DMD: variants seen among roughly 807,000 people sequenced by gnomAD.
DMD encodes the protein dystrophin, also known as mutant dystrophin.
A neutral mutation model predicts 330.1 loss-of-function variants in DMD; 63 were observed. The observed-to-expected ratio is 0.19, with a 90% confidence interval of 0.16 to 0.24. The LOEUF (loss-of-function observed/expected upper bound fraction) is 0.24. Among genes scored for constraint, DMD ranks in the 10% least tolerant of loss-of-function variants. The pLI, the probability that DMD is intolerant of heterozygous loss-of-function variation, is 1.00. For missense variants in DMD, 3,344 were observed against 2,684.1 expected (o/e 1.25, Z -5.43); for synonymous variants, 1,223 against 959.8 (o/e 1.27, Z -5.07).
intron 41 of DMD, among the ~76,000 whole-genome samples, chrX:32,340,127 T>TCTAC (rs776706734): frequency 8.9e-6 from 1 of 111,797 alleles, no homozygotes; most frequent in Non-Finnish European, 1.9e-5. Context: ...TGTCTATCTA[T>TCTAC]CTACCTACCA....
intron 2 of DMD, among the ~76,000 whole-genome samples, chrX:33,005,808 G>T (rs2093383991): frequency 9.0e-6 from 1 of 110,811 alleles, no homozygotes; most frequent in South Asian, 3.8e-4. Context: ...ATGTAGAAAT[G>T]AAGCTGTATT....
At chrX:33,041,279 C>T (rs2094294852) in intron 1 of DMD, 4 of 713,149 alleles carry the variant, frequency 5.6e-6, no homozygotes, top group African/African-American at 2.2e-5. Context: ...CTTAAGTGGC[C>T]GCGCAGCCTG....
chrX:32,853,073 A>G (rs1203971550), intron 2 of DMD, among the ~76,000 whole-genome samples: 4 of 112,460 alleles, frequency 3.6e-5, no homozygotes, highest in Non-Finnish European at 3.8e-5. Context: ...CCATATTTAA[A>G]GTGCTGAAGG....
At chrX:32,885,759 A>G (rs2084463728) in intron 2 of DMD, among the ~76,000 whole-genome samples, 2 of 102,184 alleles carry the variant, frequency 2.0e-5, no homozygotes, top group African/African-American at 7.1e-5. Context: ...GCGAAATTTG[A>G]GGGTTTAGAA....
At chrX:32,581,428 AG>A (rs1252584465) in intron 13 of DMD, among the ~76,000 whole-genome samples, 7 of 111,925 alleles carry the variant, frequency 6.3e-5, no homozygotes, top group African/African-American at 2.3e-4. Context: ...AGAAATTCTT[AG>A]TTCATGTCAC....
Position 32,768,967 on chromosome X carries a change from A to G in DMD, c.649+40526T>C, listed in dbSNP as rs753239397. 1.3e-4 allele frequency among the ~76,000 whole-genome samples: 14 copies of G among 111,983 alleles called. No homozygotes were observed. The South Asian group carries it at 4.1e-3, about 33-fold the overall frequency. On this transcript the variant is annotated intron_variant, in intron 7 of 78. Transcript: ENST00000357033. The stretch of plus-strand genomic sequence containing the variant: ...CATGTGGAAAGTGAAGGGAGCACAT[A>G]TGCATCACCTCTACCACAAGGCTTC...
intron 7 of DMD, among the ~76,000 whole-genome samples, chrX:32,729,508 C>A (rs1260820564): frequency 9.0e-6 from 1 of 111,720 alleles, no homozygotes; most frequent in Admixed American, 9.5e-5. Flanking sequence ...GCTTGGCAAG[C>A]TGAATGATTC....
At chrX:32,187,770 A>T (rs1446255728) in intron 44 of DMD, among the ~76,000 whole-genome samples, 3 of 108,348 alleles carry the variant, frequency 2.8e-5, no homozygotes, top group Non-Finnish European at 5.8e-5. Context: ...AACCAGAATT[A>T]TTTTTTTTTT....
chrX:33,128,433 C>T, intron 1 of DMD: 5 of 968,548 alleles, frequency 5.2e-6, no homozygotes, highest in Non-Finnish European at 6.5e-6. Context: ...CAGCATTTTG[C>T]AAACACTCCC....
In DMD at chrX:31,907,838, G is replaced by A. The variant is rs770251886; in HGVS notation, c.6912+21758C>T. Among the ~76,000 whole-genome samples, 14 of 112,020 alleles carry A rather than the reference G, an allele frequency of 1.2e-4. No homozygotes were observed. The South Asian group carries it at 4.8e-3, about 38-fold the overall frequency. ...ACCCATCTGACAAAGGGCTAATATC[G>A]AGAATCTACAAAGAACTTAAACAAA... On this transcript the variant is annotated intron_variant, in intron 47 of 78. Transcript: ENST00000357033.
rs1380674863 is a variant in DMD at position 32,121,995 on chromosome X, C to A, written c.6438+94921G>T. 3.6e-5 allele frequency among the ~76,000 whole-genome samples: 4 copies of A among 110,366 alleles called. No individual in the cohort carries two copies. In the East Asian group the frequency reaches 1.2e-3, roughly 32 times the overall value. ...TTAATGGTGAACTAGGGACAAAGTCCTAGTGTTTTGCATTTGCTCTGTGAC... is the reference window on the plus strand; with the variant it reads ...TTAATGGTGAACTAGGGACAAAGTCATAGTGTTTTGCATTTGCTCTGTGAC... On this transcript the variant is annotated intron_variant, in intron 44 of 78. Transcript: ENST00000357033.
intron 2 of DMD, among the ~76,000 whole-genome samples, chrX:32,981,073 G>A (rs16990791): frequency 0.056 from 6,238 of 111,374 alleles, 439 homozygotes; most frequent in African/African-American, 0.19. Context: ...AGTACATGGA[G>A]GGACAGGGAA....
At chrX:31,955,936 G>T (rs2150123261) in intron 45 of DMD, among the ~76,000 whole-genome samples, 1 of 112,442 alleles carries the variant, frequency 8.9e-6, no homozygotes, top group Admixed American at 9.4e-5. Flanking sequence ...AGACTGCTTA[G>T]CTGCTTAGCC....
chrX:31,412,729 T>A (rs2061699386), intron 60 of DMD, among the ~76,000 whole-genome samples: 1 of 112,289 alleles, frequency 8.9e-6, no homozygotes, highest in Non-Finnish European at 1.9e-5. Context: ...GAGAGAGACC[T>A]ACATTTCTCT....
chrX:32,158,362 A>G (rs1424729393), intron 44 of DMD, among the ~76,000 whole-genome samples: 1 of 111,097 alleles, frequency 9.0e-6, no homozygotes, highest in Non-Finnish European at 1.9e-5. Context: ...GCAAGACCCC[A>G]TCTCAAAAAC....
chrX:31,161,386 A>G (rs973041364), intron 74 of DMD, among the ~76,000 whole-genome samples: 1 of 111,912 alleles, frequency 8.9e-6, no homozygotes, highest in African/African-American at 3.3e-5. Context: ...ATCCTTTCTG[A>G]AAACTGAATA....
At chrX:31,777,798 T>C (rs1034192683) in intron 50 of DMD, among the ~76,000 whole-genome samples, 1 of 112,227 alleles carries the variant, frequency 8.9e-6, no homozygotes, top group African/African-American at 3.2e-5. Flanking sequence ...CCTAGGATTG[T>C]TCTGACTGTA....
chrX:32,105,440 T>C (rs766659309), intron 44 of DMD, among the ~76,000 whole-genome samples: 1 of 112,148 alleles, frequency 8.9e-6, no homozygotes, highest in Admixed American at 9.5e-5. Flanking sequence ...CATTAAATGA[T>C]TTAAATTTTA....
At chrX:32,719,389 T>A (rs759444829) in intron 7 of DMD, among the ~76,000 whole-genome samples, 1 of 111,809 alleles carries the variant, frequency 8.9e-6, no homozygotes, top group African/African-American at 3.2e-5. Context: ...TATCAATTTG[T>A]TTCTCTGTGT....
Sources: allele counts gnomAD v4.1 joint callset (sites outside exome capture counted in the v4.1 genomes callset), GRCh38; gene constraint gnomAD v4.1.1; transcripts MANE v1.5; gene names NCBI Gene and HGNC (gene_info 2026-07-23, HGNC 2026-07-21).